ATXN10: variants seen among roughly 807,000 people sequenced by gnomAD.
ATXN10 encodes the protein ataxin-10.
A neutral mutation model predicts 52.9 loss-of-function variants in ATXN10; 28 were observed. The observed-to-expected ratio is 0.53, with a 90% CI of 0.39 to 0.73. The LOEUF (loss-of-function observed/expected upper bound fraction) is 0.73. ATXN10 is among the 30% of genes least tolerant of loss of function. ATXN10 has a pLI of 0.00. For synonymous variants in ATXN10, 226 were observed against 221.5 expected (o/e 1.02, Z -0.18); for missense variants, 565 against 577.0 (o/e 0.98, Z 0.21).
In ATXN10 at chr22:45,774,479, G is replaced by C. The variant is rs1406440110; in HGVS notation, c.1174-32480G>C. Among the ~76,000 whole-genome samples, 9 of 152,232 alleles carry C rather than the reference G, an allele frequency of 5.9e-5. No individual in the cohort carries two copies. Among genetic ancestry groups the C allele is most frequent in the Admixed American group, 5.2e-4 (8 of 15,294 alleles). ...GGCAGAGGGGAACTACTACTTTGAT[G>C]TAAGAGGAGATCGCTATTAGGAAAT... On this transcript the variant is annotated intron_variant, in intron 9 of 11. Transcript: ENST00000252934. This position sits in a 1 kb window ranked among gnomAD's most constrained non-coding sequence, Gnocchi z 6.2.
rs1924393930 is a variant in ATXN10 at position 45,715,040 on chromosome 22, T to C, written c.648-3373T>C. ...ACAACTTTTTTACTTCAACTTTTGC[T>C]TCCTAACCACGCATTCCAGCATGCA... On this transcript the variant is annotated intron_variant, in intron 5 of 11. Transcript: ENST00000252934. The surrounding 1 kb of genome is among the most constrained non-coding windows in gnomAD (Gnocchi z 4.4). 6.6e-6 allele frequency among the ~76,000 whole-genome samples: 1 copy of C among 152,224 alleles called. No individual in the cohort carries two copies. Among genetic ancestry groups the C allele is most frequent in the South Asian group, 2.1e-4 (1 of 4,832 alleles).
At chr22:45,791,074 G>A (rs1054017595) in intron 9 of ATXN10, among the ~76,000 whole-genome samples, 1 of 152,070 alleles carries the variant, frequency 6.6e-6, no homozygotes, top group East Asian at 1.9e-4. Flanking sequence ...GCCCAGGCTG[G>A]TCTCAAACTC....
chr22:45,729,516 T>A lies in ATXN10; in HGVS notation c.820T>A (p.Leu274Met). The change falls in exon 7 of 12, where the codon TTG becomes ATG. Residue 274 changes from leucine (L) to methionine (M), a missense_variant. By Grantham distance (15) the Leu-to-Met change is conservative (BLOSUM62 2). Coordinates refer to ENST00000252934, the MANE Select transcript of ATXN10 (RefSeq NM_013236.4). ...CCCTGTGTTTTTGCGGCATGCTGAG[T>A]TGATTGCAAGCACCTTTGTGGATCA... is the stretch of plus-strand genomic sequence containing the variant. ...DIPVFLRHAE[L>M]IASTFVDQCK... 2 of 1,614,130 alleles carry A rather than the reference T, an allele frequency of 1.2e-6. No individual in the cohort carries two copies. The highest frequency in any genetic ancestry group is 1.7e-6 in the Non-Finnish European group (2 of 1,180,024).
At chr22:45,821,701 G>A (rs577067776) in intron 10 of ATXN10, among the ~76,000 whole-genome samples, 11 of 152,236 alleles carry the variant, frequency 7.2e-5, no homozygotes, top group African/African-American at 2.6e-4. Context: ...TTGACATTTA[G>A]GGGCTGTATT....
At position 45,825,672 on chromosome 22, in the gene ATXN10, G is replaced by GA. The variant is rs1274575664; in HGVS notation, c.1238-17313dup. On this transcript the variant is annotated intron_variant, in intron 10 of 11. Transcript: ENST00000252934. This position sits in a 1 kb window ranked among gnomAD's most constrained non-coding sequence, Gnocchi z 4.5. The stretch of plus-strand genomic sequence containing the variant: ...CAGGAAAGTAGGCCCATTCAAGGGG[G>GA]AAAAAATGAAACAAACAGAAACCAT... Among the ~76,000 whole-genome samples, 1 of 152,102 alleles carries GA rather than the reference G, an allele frequency of 6.6e-6. No individual in the cohort carries two copies. The highest frequency in any genetic ancestry group is 2.4e-5 in the African/African-American group (1 of 41,432).
intron 7 of ATXN10, chr22:45,734,381 GA>G (rs1173670440): frequency 3.6e-6 from 1 of 280,508 alleles, no homozygotes; most frequent in Non-Finnish European, 7.6e-6. Flanking sequence ...GCATTTTCTG[GA>G]AATTAGTCTT....
chr22:45,697,765 G>C (rs1923674216), intron 3 of ATXN10, among the ~76,000 whole-genome samples: 1 of 152,112 alleles, frequency 6.6e-6, no homozygotes, highest in Admixed American at 6.5e-5. Flanking sequence ...CGCACAGCTG[G>C]GACTACAGGC....
At chr22:45,709,557 G>C (rs1924165780) in intron 5 of ATXN10, among the ~76,000 whole-genome samples, 1 of 152,120 alleles carries the variant, frequency 6.6e-6, no homozygotes, top group South Asian at 2.1e-4. Context: ...GTTGGCTCCT[G>C]TTCTTGCCTA....
At chr22:45,804,327 G>C (rs1227847609) in intron 9 of ATXN10, among the ~76,000 whole-genome samples, 1 of 152,216 alleles carries the variant, frequency 6.6e-6, no homozygotes, top group Non-Finnish European at 1.5e-5. Context: ...TAAAGCATCT[G>C]ATTGCCTAGT....
chr22:45,798,619 G>C (rs1569069487), intron 9 of ATXN10, among the ~76,000 whole-genome samples: 1 of 152,160 alleles, frequency 6.6e-6, no homozygotes, highest in Non-Finnish European at 1.5e-5. Context: ...CAGGAACAAG[G>C]CAAGAATTTC....
intron 3 of ATXN10, among the ~76,000 whole-genome samples, chr22:45,694,940 C>CAAAAAAAA (rs748780048): frequency 1.8e-4 from 4 of 21,912 alleles, no homozygotes; most frequent in African/African-American, 5.8e-4. Context: ...GACTCTGTCT[C>CAAAAAAAA]AAAAAAAAAA....
At position 45,843,626 on chromosome 22, in the gene ATXN10, A is replaced by C; in HGVS notation, c.1426-43A>C. ...CTTTTGTCTGATGAATCTTGTGAAC[A>C]GATTTGCTACATCTGCAATTTTGTT... On this transcript the variant is annotated intron_variant, in intron 11 of 11. Coordinates refer to ENST00000252934, the MANE Select transcript of ATXN10 (RefSeq NM_013236.4). This position sits in a 1 kb window ranked among gnomAD's most constrained non-coding sequence, Gnocchi z 4.5. The C allele has an allele frequency of 1.9e-6, 3 of 1,604,328 alleles. No individual in the cohort carries two copies. Among genetic ancestry groups the C allele is most frequent in the Non-Finnish European group, 2.6e-6 (3 of 1,172,412 alleles).
At chr22:45,685,692 A>G (rs550747186) in intron 1 of ATXN10, among the ~76,000 whole-genome samples, 84 of 152,358 alleles carry the variant, frequency 5.5e-4, no homozygotes, top group African/African-American at 2.0e-3. Context: ...GTAAAGATGT[A>G]TAGAAGAGTT....
Position 45,693,131 on chromosome 22 carries a change from AC to A in ATXN10, c.391+55del, listed in dbSNP as rs1298781457. The A allele has an allele frequency of 4.8e-6, 7 of 1,454,042 alleles. No individual in the cohort carries two copies. The African/African-American group carries it at 8.4e-5, about 17-fold the overall frequency. 90.1% of individuals were successfully genotyped at this position (1,454,042 alleles called of 1,614,324 possible). ...TTTATATCTTTATAAAGGGTTCAAAACCAGTACTTTGAGTATTAACATCATT... is the reference window on the plus strand; with the variant it reads ...TTTATATCTTTATAAAGGGTTCAAAACAGTACTTTGAGTATTAACATCATT... On this transcript the variant is annotated intron_variant, in intron 3 of 11. Transcript: ENST00000252934.
Position 45,705,838 on chromosome 22 carries a change from A to G in ATXN10, c.647+2991A>G, listed in dbSNP as rs1448333647. Reference sequence around the variant, plus strand: ...GTTTGGTCTAGGCCGGGGGTCCTCCAGCCCCCGACCTGTGGACTGGTACCT... The same window carrying G: ...GTTTGGTCTAGGCCGGGGGTCCTCCGGCCCCCGACCTGTGGACTGGTACCT... On this transcript the variant is annotated intron_variant, in intron 5 of 11. Coordinates refer to ENST00000252934, the MANE Select transcript of ATXN10 (RefSeq NM_013236.4). This position sits in a 1 kb window ranked among gnomAD's most constrained non-coding sequence, Gnocchi z 5.2. 6.6e-6 allele frequency among the ~76,000 whole-genome samples: 1 copy of G among 152,262 alleles called. No individual in the cohort carries two copies. Among genetic ancestry groups the G allele is most frequent in the East Asian group, 1.9e-4 (1 of 5,178 alleles).
intron 3 of ATXN10, among the ~76,000 whole-genome samples, chr22:45,693,740 A>G (rs1186874817): frequency 2.6e-5 from 4 of 152,212 alleles, no homozygotes; most frequent in African/African-American, 4.8e-5. Context: ...AAATGAGGGT[A>G]TATGACTGGT....
intron 9 of ATXN10, among the ~76,000 whole-genome samples, chr22:45,771,820 G>A (rs1926790059): frequency 6.6e-6 from 1 of 152,118 alleles, no homozygotes; most frequent in Admixed American, 6.6e-5. Context: ...AGGGGCCTCT[G>A]CTGTGTTGTC....
At chr22:45,740,006 C>A (rs1925447531) in intron 8 of ATXN10, among the ~76,000 whole-genome samples, 1 of 152,170 alleles carries the variant, frequency 6.6e-6, no homozygotes, top group Non-Finnish European at 1.5e-5. Context: ...ACTTCATTGA[C>A]TGAAGTTATT....
chr22:45,702,855 T>C lies in ATXN10; in HGVS notation c.647+8T>C, dbSNP rs1923894696. The C allele has an allele frequency of 1.2e-6, 2 of 1,613,560 alleles. No individual in the cohort carries two copies. Among genetic ancestry groups the C allele is most frequent in the Non-Finnish European group, 8.5e-7 (1 of 1,179,914 alleles). On this transcript the variant is annotated splice_region_variant and intron_variant, in intron 5 of 11. Transcript: ENST00000252934. ...TCCTGAATCAGAATGGCCGTAAGTA[T>C]CTTGTTAGAAATTTGATTGCTTTGG...
Sources: allele counts gnomAD v4.1 joint callset (sites outside exome capture counted in the v4.1 genomes callset), GRCh38; gene constraint gnomAD v4.1.1; non-coding constraint Gnocchi (gnomAD v3.1); transcripts MANE v1.5; gene names NCBI Gene and HGNC (gene_info 2026-07-23, HGNC 2026-07-21).